Variants in TNFAIP3 observed in about 807,000 individuals in gnomAD.
TNFAIP3 encodes TNF alpha induced protein 3.
Under a neutral mutation model 72.4 loss-of-function variants are expected in TNFAIP3, and 9 were observed. That is an observed-to-expected ratio of 0.12 (90% confidence interval 0.07 to 0.22). The LOEUF (loss-of-function observed/expected upper bound fraction) is 0.22, where lower values mean the gene tolerates loss of function less well. Among genes scored for constraint, TNFAIP3 ranks in the 10% least tolerant of loss-of-function variants. TNFAIP3 has a pLI of 1.00. For synonymous variants in TNFAIP3, 339 were observed against 372.6 expected (o/e 0.91, Z 1.04); for missense variants, 833 against 1,018.7 (o/e 0.82, Z 2.48).
At chr6:137,879,996 T>G in intron 7 of TNFAIP3, 75 bp from the exon 8 acceptor site, 1 of 1,350,704 alleles carries the variant, frequency 7.4e-7, no homozygotes, top group African/African-American at 1.5e-5. Flanking sequence ...AACCCATTTA[T>G]TTCTCTACTG....
chr6:137,880,863 TC>T (rs1364127748), intron 8 of TNFAIP3, among the ~76,000 whole-genome samples, 171 bp from the exon 9 acceptor site: 8 of 152,094 alleles, frequency 5.3e-5, no homozygotes. Context: ...GAAAGAAACA[TC>T]CTTCGAGAGC....
In TNFAIP3 at chr6:137,881,467, C is replaced by T; in HGVS notation, c.*148C>T. 1 of 681,168 alleles carries T rather than the reference C, an allele frequency of 1.5e-6. No homozygotes were observed. The highest frequency in any genetic ancestry group is 2.3e-6 in the Non-Finnish European group (1 of 432,890). 42.2% of individuals were successfully genotyped at this position (681,168 alleles called of 1,614,324 possible). A position where few individuals can be genotyped will look rare whatever the true frequency, so the allele number is the denominator to read the frequency against. ...GAGGAAAGATAAGCTCTTCGTGGTG[C>T]CCACGATGCTCAGGTTTGGTAACCC... On this transcript the variant is annotated 3_prime_UTR_variant, in exon 9 of 9. Coordinates refer to ENST00000612899, the MANE Select transcript of TNFAIP3 (RefSeq NM_001270508.2). The surrounding 1 kb of genome is among the most constrained non-coding windows in gnomAD (Gnocchi z 5.0).
chr6:137,879,539 C>T (rs939360082), intron 7 of TNFAIP3, among the ~76,000 whole-genome samples, 188 bp downstream of exon 7: 1 of 152,230 alleles, frequency 6.6e-6, no homozygotes, highest in African/African-American at 2.4e-5. Flanking sequence ...GCAAAAGGCA[C>T]TGCGTGATTA....
chr6:137,880,066 T>A lies in TNFAIP3; in HGVS notation c.1907-5T>A. On this transcript the variant is annotated splice_region_variant and splice_polypyrimidine_tract_variant and intron_variant, in intron 7 of 8. Coordinates refer to ENST00000612899, the MANE Select transcript of TNFAIP3 (RefSeq NM_001270508.2). ...TGGTACTAACTAGCATCCATTCTCA[T>A]GTAGATTTTGCTGCTGCCTCAGGGA... 6.2e-7 allele frequency: 1 copy of A among 1,613,934 alleles called. No individual in the cohort carries two copies. Among genetic ancestry groups the A allele is most frequent in the Non-Finnish European group, 8.5e-7 (1 of 1,179,890 alleles).
intron 1 of TNFAIP3, among the ~76,000 whole-genome samples, chr6:137,869,376 T>TGGAA (rs974488086): frequency 7.0e-6 from 1 of 141,974 alleles, no homozygotes; most frequent in African/African-American, 2.6e-5. Context: ...GATGGATGGA[T>TGGAA]GGACGGACGG....
At chr6:137,878,303 T>A (rs1041637544) in intron 6 of TNFAIP3, 129 bp from the exon 7 acceptor site, 3 of 796,326 alleles carry the variant, frequency 3.8e-6, no homozygotes. Flanking sequence ...CAGGCCTGCA[T>A]TTCAGTGAAT....
At position 137,883,040 on chromosome 6, in the gene TNFAIP3, T is replaced by A. The variant is rs1776513436; in HGVS notation, c.*1721T>A. On this transcript the variant is annotated 3_prime_UTR_variant, in exon 9 of 9. Coordinates refer to ENST00000612899, the MANE Select transcript of TNFAIP3 (RefSeq NM_001270508.2). Reference sequence around the variant, plus strand: ...CCTAAGTTTTTCCCAGACGAATCTTTATAATTTCTTTCCAAAGATACCAAA... The same window carrying A: ...CCTAAGTTTTTCCCAGACGAATCTTAATAATTTCTTTCCAAAGATACCAAA... The A allele has an allele frequency of 9.2e-6, 2 of 218,288 alleles. No individual in the cohort carries two copies. Among genetic ancestry groups the A allele is most frequent in the South Asian group, 3.7e-4 (2 of 5,386 alleles). 13.5% of individuals were successfully genotyped at this position (218,288 alleles called of 1,614,324 possible).
At chr6:137,880,389 C>A in intron 8 of TNFAIP3, 137 bp downstream of exon 8, 1 of 953,804 alleles carries the variant, frequency 1.0e-6, no homozygotes, top group Non-Finnish European at 1.6e-6. Flanking sequence ...TAATTCAGAA[C>A]CTGAAGGGGA....
chr6:137,871,547 T>C lies in TNFAIP3; in HGVS notation c.295+25T>C, dbSNP rs939703842. ...GGTAAGACTTGTTCTGTTGTGTTTC[T>C]TTTGCCTGGGTGATAGCTCCCGCCT... On this transcript the variant is annotated intron_variant, in intron 2 of 8. Transcript: ENST00000612899. The surrounding 1 kb of genome is among the most constrained non-coding windows in gnomAD (Gnocchi z 4.2). The C allele has an allele frequency of 3.1e-6, 5 of 1,605,856 alleles. No homozygotes were observed. In the African/African-American group the frequency reaches 5.4e-5, roughly 17 times the overall value.
intron 8 of TNFAIP3, 66 bp from the exon 9 acceptor site, chr6:137,880,969 T>C: frequency 6.6e-7 from 1 of 1,506,610 alleles, no homozygotes; most frequent in Non-Finnish European, 9.0e-7. Flanking sequence ...TTCATTGTGC[T>C]CTCCCTAAGA....
rs944187867 is a variant in TNFAIP3, at chr6:137,878,690, A to G, written c.1245A>G (p.Gln415=). 1.9e-6 allele frequency: 3 copies of G among 1,614,172 alleles called. No homozygotes were observed. The Admixed American group carries it at 5.0e-5, about 27-fold the overall frequency. ...HECSERRQKN[Q]NKLPKLNSKP... is the part of the protein sequence containing the mutation. ...GCTCAGAGAGGCGGCAAAAGAATCA[A>G]AACAAACTCCCAAAGCTGAACTCCA... The change falls in exon 7 of 9, where the codon CAA becomes CAG. Residue 415 remains glutamine (Q), a synonymous_variant. Coordinates refer to ENST00000612899, the MANE Select transcript of TNFAIP3 (RefSeq NM_001270508.2).
chr6:137,880,032 A>G, intron 7 of TNFAIP3, 39 bp from the exon 8 acceptor site: 1 of 1,592,250 alleles, frequency 6.3e-7, no homozygotes, highest in Non-Finnish European at 8.6e-7. Context: ...CGGTGGGGTG[A>G]CCCCTATGTG....
intron 1 of TNFAIP3, among the ~76,000 whole-genome samples, chr6:137,868,670 T>C (rs1051562955): frequency 6.7e-6 from 1 of 150,354 alleles, no homozygotes; most frequent in Non-Finnish European, 1.5e-5. Context: ...AGAAACTACC[T>C]TTAAATAAGA....
Position 137,871,706 on chromosome 6 carries a change from T to C in TNFAIP3, c.295+184T>C, listed in dbSNP as rs1003628805. On this transcript the variant is annotated intron_variant, in intron 2 of 8. Coordinates refer to ENST00000612899, the MANE Select transcript of TNFAIP3 (RefSeq NM_001270508.2). This position sits in a 1 kb window ranked among gnomAD's most constrained non-coding sequence, Gnocchi z 4.2. ...ATAGCAGACTTGTTTTGTGAATCTA[T>C]TTATTAAGGATATTTTCTGATTGTG... 6.6e-6 allele frequency among the ~76,000 whole-genome samples: 1 copy of C among 152,222 alleles called. No individual in the cohort carries two copies. The highest frequency in any genetic ancestry group is 1.5e-5 in the Non-Finnish European group (1 of 68,038).
chr6:137,878,730 G>GGGC lies in TNFAIP3; in HGVS notation c.1286_1288dup (p.Gly429_Leu430insArg). On this transcript the variant is annotated inframe_insertion, in exon 7 of 9. Coordinates refer to ENST00000612899, the MANE Select transcript of TNFAIP3 (RefSeq NM_001270508.2). ...GCTGAACTCCAAGCCGGGCCCTGAG[G>GGGC]GGCTCCCTGGCATGGCGCTCGGGGC... The GGGC allele has an allele frequency of 6.2e-7, 1 of 1,614,068 alleles. No homozygotes were observed. Among genetic ancestry groups the GGGC allele is most frequent in the Non-Finnish European group, 8.5e-7 (1 of 1,180,010 alleles).
rs576132591 is a variant in TNFAIP3 at position 137,876,944 on chromosome 6, G to A, written c.806-132G>A. ...TAGCACATTTTGTTTTCCCATTTGGGTTTAACTGTGGCTAAGAATACTTTT... is the reference window on the plus strand; with the variant it reads ...TAGCACATTTTGTTTTCCCATTTGGATTTAACTGTGGCTAAGAATACTTTT... On this transcript the variant is annotated intron_variant, in intron 5 of 8. Coordinates refer to ENST00000612899, the MANE Select transcript of TNFAIP3 (RefSeq NM_001270508.2). The A allele has an allele frequency of 5.1e-5, 36 of 709,106 alleles. No homozygotes were observed. In the African/African-American group the frequency reaches 6.4e-4, roughly 13 times the overall value. The allele number at this position is 709,106 out of a possible 1,614,324, so 43.9% of individuals were successfully genotyped here.
chr6:137,878,383 T>C, intron 6 of TNFAIP3, 49 bp from the exon 7 acceptor site: 1 of 1,476,096 alleles, frequency 6.8e-7, no homozygotes, highest in Middle Eastern at 1.8e-4. Flanking sequence ...TAAAATCTTG[T>C]GTGTGATTTT....
chr6:137,874,011 G>A lies in TNFAIP3; in HGVS notation c.296-834G>A, dbSNP rs370646171. Among the ~76,000 whole-genome samples the A allele has an allele frequency of 4.1e-4, 62 of 152,166 alleles. 6 individuals carry two copies. Among genetic ancestry groups the A allele is most frequent in the Admixed American group, 2.2e-3 (34 of 15,300 alleles). ...ATTCCCCCAAAATATTTATCGTTTG[G>A]GGGTTGAAAAAAATGCAGCCCATTG... On this transcript the variant is annotated intron_variant, in intron 2 of 8. Coordinates refer to ENST00000612899, the MANE Select transcript of TNFAIP3 (RefSeq NM_001270508.2).
intron 2 of TNFAIP3, among the ~76,000 whole-genome samples, chr6:137,872,558 A>C (rs1301925934): frequency 6.6e-6 from 1 of 152,092 alleles, no homozygotes. Flanking sequence ...GCTTTTTTTG[A>C]CTTGGGTAAC....
Sources: allele counts gnomAD v4.1 joint callset (sites outside exome capture counted in the v4.1 genomes callset), GRCh38; gene constraint gnomAD v4.1.1; non-coding constraint Gnocchi (gnomAD v3.1); transcripts MANE v1.5; gene names NCBI Gene and HGNC (gene_info 2026-07-23, HGNC 2026-07-21).